NRXN3: variants seen among roughly 807,000 people sequenced by gnomAD.
NRXN3 encodes the protein neurexin 3, also known as neurexin III.
A neutral mutation model predicts 137.6 loss-of-function variants in NRXN3; 32 were observed. The observed-to-expected ratio is 0.23, with a 90% CI of 0.18 to 0.31. The LOEUF is 0.31. NRXN3 is among the 10% of genes least tolerant of loss of function. The probability of loss-of-function intolerance (pLI) is 1.00; values close to 1 mark genes in which losing one functional copy is unlikely to be tolerated. For missense variants in NRXN3, 1,574 were observed against 2,062.5 expected, an observed-to-expected ratio of 0.76 and a Z score of 4.59; for synonymous variants, 798 against 784.5, an observed-to-expected ratio of 1.02 and a Z score of -0.29.
At chr14:79,154,999 G>T (rs991115709) in intron 15 of NRXN3, among the ~76,000 whole-genome samples, 3 of 151,818 alleles carry the variant, frequency 2.0e-5, no homozygotes, top group African/African-American at 7.3e-5. Flanking sequence ...AGTATACAGA[G>T]ATTGAGAGTC....
intron 15 of NRXN3, among the ~76,000 whole-genome samples, chr14:79,366,075 A>G (rs896634757): frequency 2.6e-5 from 4 of 152,218 alleles, no homozygotes; most frequent in Non-Finnish European, 4.4e-5. Flanking sequence ...ACAGAATGCT[A>G]TGATTAACAC....
chr14:79,596,090 C>A (rs1304833267), intron 16 of NRXN3, among the ~76,000 whole-genome samples: 28 of 145,404 alleles, frequency 1.9e-4, no homozygotes, highest in African/African-American at 6.1e-4. Flanking sequence ...TTAATGATTT[C>A]TCCTGTGCTT....
At chr14:79,477,359 C>G (rs553845631) in intron 16 of NRXN3, among the ~76,000 whole-genome samples, 3 of 152,222 alleles carry the variant, frequency 2.0e-5, no homozygotes, top group African/African-American at 7.2e-5. Context: ...AGGTCTAGTT[C>G]TGCCTCCAAC....
chr14:78,984,359 TA>T (rs1218085664), intron 14 of NRXN3, among the ~76,000 whole-genome samples: 1 of 152,172 alleles, frequency 6.6e-6, no homozygotes, highest in Non-Finnish European at 1.5e-5. Flanking sequence ...TCTTTCAATT[TA>T]AAAGAAATTA....
intron 19 of NRXN3, among the ~76,000 whole-genome samples, chr14:79,794,078 A>G (rs2099153683): frequency 6.6e-6 from 1 of 152,278 alleles, no homozygotes; most frequent in South Asian, 2.1e-4. Context: ...CTGATTAGCA[A>G]TCCTAGAGAG....
At chr14:78,192,235 G>A (rs1440242696) in intron 1 of NRXN3, among the ~76,000 whole-genome samples, 1 of 152,022 alleles carries the variant, frequency 6.6e-6, no homozygotes, top group Non-Finnish European at 1.5e-5. Context: ...AAACTGATAC[G>A]GGCACTCAGA....
intron 4 of NRXN3, chr14:78,300,756 A>C: frequency 9.0e-7 from 1 of 1,109,212 alleles, no homozygotes; most frequent in Non-Finnish European, 1.3e-6. Flanking sequence ...TCATGCATCC[A>C]AGAGGATTGT....
At position 79,486,957 on chromosome 14, in the gene NRXN3, CT is replaced by C. The variant is rs1567258942; in HGVS notation, c.3444+19556del. ...TCTCTCTCTCTCTCTCTCTCTCTCT[CT>C]CTCCCACACACACACACCCCAAGAT... On this transcript the variant is annotated intron_variant, in intron 16 of 20. Coordinates refer to ENST00000335750, the MANE Select transcript of NRXN3 (RefSeq NM_001330195.2). Among the ~76,000 whole-genome samples the C allele has an allele frequency of 5.8e-4, 86 of 147,732 alleles. 1 individual carries two copies. The highest frequency in any genetic ancestry group is 2.1e-3 in the African/African-American group (82 of 38,334).
chr14:78,803,459 G>A (rs1170677029), intron 8 of NRXN3, among the ~76,000 whole-genome samples, 161 bp from the exon 9 acceptor site: 2 of 152,104 alleles, frequency 1.3e-5, no homozygotes, highest in Non-Finnish European at 2.9e-5. Flanking sequence ...TCTGCCCAGC[G>A]TCACACAGAT....
At chr14:78,661,647 G>A (rs1289985422) in intron 6 of NRXN3, among the ~76,000 whole-genome samples, 1 of 152,198 alleles carries the variant, frequency 6.6e-6, no homozygotes, top group African/African-American at 2.4e-5. Flanking sequence ...GGAGGTAACA[G>A]TTCTGCAGTA....
intron 17 of NRXN3, among the ~76,000 whole-genome samples, chr14:79,685,503 C>T (rs1258539897): frequency 1.3e-5 from 2 of 152,128 alleles, no homozygotes; most frequent in African/African-American, 4.8e-5. Flanking sequence ...ATAACATGGC[C>T]TTTTTGAGAG....
intron 15 of NRXN3, among the ~76,000 whole-genome samples, chr14:79,011,399 A>ACCCCCCCCCCCCCCCCCCCCCCCCC (rs1594888631): frequency 1.1e-4 from 1 of 8,980 alleles, no homozygotes; most frequent in African/African-American, 4.4e-4. Flanking sequence ...CCTCCCCCCA[A>ACCCCCCCCCCCCCCCCCCCCCCCCC]CCCCACCCCA....
intron 17 of NRXN3, among the ~76,000 whole-genome samples, chr14:79,668,010 CA>C (rs1275480932): frequency 3.9e-5 from 6 of 151,960 alleles, no homozygotes; most frequent in Non-Finnish European, 7.4e-5. Flanking sequence ...CAGACTGATA[CA>C]CAGCTTCAAT....
chr14:78,492,028 A>G (rs2095677860), intron 4 of NRXN3, among the ~76,000 whole-genome samples: 1 of 152,332 alleles, frequency 6.6e-6, no homozygotes, highest in South Asian at 2.1e-4. Flanking sequence ...TGGGCAAGTT[A>G]CTTAGCTCTC....
At chr14:78,790,509 G>A (rs1462220108) in intron 8 of NRXN3, among the ~76,000 whole-genome samples, 1 of 152,178 alleles carries the variant, frequency 6.6e-6, no homozygotes, top group Non-Finnish European at 1.5e-5. Flanking sequence ...TGCTCCTGCT[G>A]TTGCAAAATA....
intron 3 of NRXN3, among the ~76,000 whole-genome samples, chr14:78,291,683 T>C (rs911011251): frequency 4.6e-5 from 7 of 152,242 alleles, no homozygotes; most frequent in African/African-American, 1.4e-4. Flanking sequence ...AATGTTTCTA[T>C]GACCTTCTGA....
At chr14:79,334,474 A>G (rs1415484355) in intron 15 of NRXN3, among the ~76,000 whole-genome samples, 1 of 152,188 alleles carries the variant, frequency 6.6e-6, no homozygotes, top group Admixed American at 6.5e-5. Context: ...TTGGAGAAAC[A>G]GTGGGAGGCT....
At chr14:78,709,752 G>A in intron 7 of NRXN3, 97 bp downstream of exon 7, 1 of 1,096,750 alleles carries the variant, frequency 9.1e-7, no homozygotes, top group Non-Finnish European at 1.3e-6. Flanking sequence ...ACCCTTGCAT[G>A]CTTGTTGATT....
rs548290110 is a variant in NRXN3, at chr14:79,407,832, A to T, written c.3263-59389A>T. On this transcript the variant is annotated intron_variant, in intron 15 of 20. Coordinates refer to ENST00000335750, the MANE Select transcript of NRXN3 (RefSeq NM_001330195.2). ...GGGAATCAAGGGTAGGACACATGTG[A>T]GTCACTCAGAACAGTGCCTAGTCTT... Among the ~76,000 whole-genome samples the T allele has an allele frequency of 5.9e-5, 9 of 152,162 alleles. No individual in the cohort carries two copies. The East Asian group carries it at 1.7e-3, about 29-fold the overall frequency.
Sources: allele counts gnomAD v4.1 joint callset (sites outside exome capture counted in the v4.1 genomes callset), GRCh38; gene constraint gnomAD v4.1.1; transcripts MANE v1.5; gene names NCBI Gene and HGNC (gene_info 2026-07-23, HGNC 2026-07-21).